The following STK32B variants were observed in gnomAD, a reference collection of about 807,000 sequenced individuals.
STK32B encodes the protein serine/threonine kinase 32B, also known as serine/threonine-protein kinase 32B.
STK32B carries 43 observed loss-of-function variants against 52.6 expected under a neutral mutation model. The observed-to-expected ratio is 0.82, with a 90% CI of 0.64 to 1.05. The LOEUF (loss-of-function observed/expected upper bound fraction) is 1.05. Among genes scored for constraint, STK32B ranks in the 50% least tolerant of loss-of-function variants. The probability of loss-of-function intolerance (pLI) is 0.00; values close to 1 mark genes in which losing one functional copy is unlikely to be tolerated. For synonymous variants in STK32B, 238 were observed against 204.3 expected (o/e 1.17, Z -1.41); for missense variants, 621 against 534.6 (o/e 1.16, Z -1.59).
Position 5,475,584 on chromosome 4 carries a change from G to C in STK32B, c.1106+7514G>C, listed in dbSNP as rs190595341. 2.0e-5 allele frequency among the ~76,000 whole-genome samples: 3 copies of C among 151,438 alleles called. No individual in the cohort carries two copies. The East Asian group carries it at 6.0e-4, about 30-fold the overall frequency. On this transcript the variant is annotated intron_variant, in intron 11 of 11. Transcript: ENST00000282908. ...CGTGGTGGTGCACGCCTGTAGTTCA[G>C]CTACCCAGGAGGCTGAGGCAGGAGA...
chr4:5,365,493 A>G (rs934144388), intron 4 of STK32B, among the ~76,000 whole-genome samples: 5 of 152,204 alleles, frequency 3.3e-5, no homozygotes, highest in Non-Finnish European at 7.3e-5. Context: ...CTTATTGTAG[A>G]AGTCTGTCAA....
intron 3 of STK32B, among the ~76,000 whole-genome samples, chr4:5,216,759 C>A (rs1266899933): frequency 2.0e-5 from 3 of 152,146 alleles, no homozygotes; most frequent in Non-Finnish European, 2.9e-5. Flanking sequence ...TGGGTTTGTA[C>A]TTCCAGGTTA....
At chr4:5,298,559 A>G (rs917121004) in intron 3 of STK32B, among the ~76,000 whole-genome samples, 13 of 152,050 alleles carry the variant, frequency 8.5e-5, no homozygotes, top group Non-Finnish European at 1.3e-4. Flanking sequence ...CTCAGTCTGA[A>G]CTTTCCTGTG....
chr4:5,233,550 G>A (rs1312475738), intron 3 of STK32B, among the ~76,000 whole-genome samples: 1 of 152,014 alleles, frequency 6.6e-6, no homozygotes, highest in Non-Finnish European at 1.5e-5. Context: ...GATAGGAGCT[G>A]TGAAGAGTTC....
chr4:5,196,271 AC>A (rs887853371), intron 3 of STK32B, among the ~76,000 whole-genome samples: 2 of 134,490 alleles, frequency 1.5e-5, no homozygotes, highest in Admixed American at 1.5e-4. Context: ...GGCTGATGCC[AC>A]CCCGCGAGGT....
intron 6 of STK32B, among the ~76,000 whole-genome samples, chr4:5,430,039 T>C (rs1713438998): frequency 6.6e-6 from 1 of 152,160 alleles, no homozygotes; most frequent in South Asian, 2.1e-4. Context: ...AGATATGATG[T>C]ACCAAGGCAT....
chr4:5,398,509 G>A lies in STK32B; in HGVS notation c.472+265G>A, dbSNP rs949338020. On this transcript the variant is annotated intron_variant, in intron 5 of 11. Coordinates refer to ENST00000282908, the MANE Select transcript of STK32B (RefSeq NM_018401.3). The surrounding 1 kb of genome is among the most constrained non-coding windows in gnomAD (Gnocchi z 4.9). The stretch of plus-strand genomic sequence containing the variant: ...CCCGTGTGAGGAGGACAGGGCCGCC[G>A]TGAGGATGAGCCCGGGGTTCCAACC... Among the ~76,000 whole-genome samples, 8 of 152,262 alleles carry A rather than the reference G, an allele frequency of 5.3e-5. No individual in the cohort carries two copies. Among genetic ancestry groups the A allele is most frequent in the Non-Finnish European group, 8.8e-5 (6 of 68,028 alleles).
At chr4:5,176,242 C>T (rs981612987) in intron 3 of STK32B, among the ~76,000 whole-genome samples, 16 of 152,270 alleles carry the variant, frequency 1.1e-4, no homozygotes, top group Middle Eastern at 3.4e-3. Flanking sequence ...TGACCCGTTG[C>T]ACTTCCCAGG....
rs1025598997 is a variant in STK32B at position 5,063,796 on chromosome 4, G to A, written c.52+11881G>A. 2.6e-5 allele frequency among the ~76,000 whole-genome samples: 4 copies of A among 152,152 alleles called. No homozygotes were observed. The East Asian group carries it at 5.8e-4, about 22-fold the overall frequency. ...ACATGTGGCTATTAGCTAACTTATC[G>A]AACAGCATACCTTTATTTCCTCGCC... is the stretch of plus-strand genomic sequence containing the variant. On this transcript the variant is annotated intron_variant, in intron 1 of 11. Transcript: ENST00000282908.
intron 7 of STK32B, 91 bp downstream of exon 7, chr4:5,446,867 T>G (rs1423204003): frequency 1.6e-6 from 2 of 1,275,040 alleles, no homozygotes; most frequent in Non-Finnish European, 2.2e-6. Context: ...GGGCCCGCGG[T>G]GCAGGAAGGA....
intron 2 of STK32B, among the ~76,000 whole-genome samples, chr4:5,144,121 A>C (rs1716722553): frequency 6.6e-6 from 1 of 152,180 alleles, no homozygotes; most frequent in Non-Finnish European, 1.5e-5. Context: ...AGTTACCACC[A>C]CTGGGAATTC....
intron 3 of STK32B, among the ~76,000 whole-genome samples, chr4:5,216,275 C>T (rs1352087521): frequency 3.3e-5 from 5 of 152,106 alleles, no homozygotes; most frequent in Non-Finnish European, 7.3e-5. Context: ...TTAAGAACTG[C>T]TGTTAAAGAC....
At chr4:5,316,845 TAA>T (rs1420985366) in intron 3 of STK32B, among the ~76,000 whole-genome samples, 16 of 1,712 alleles carry the variant, frequency 9.3e-3, no homozygotes, top group Admixed American at 0.042. Context: ...ATATTATATA[TAA>T]TATATTATAT....
At chr4:5,047,532 A>G (rs750770646), upstream of STK32B, among the ~76,000 whole-genome samples, 1 of 152,226 alleles carries the variant, frequency 6.6e-6, no homozygotes, top group African/African-American at 2.4e-5. Context: ...GCATCTCACA[A>G]TGTTTCTGAC....
chr4:5,362,684 A>T (rs1734624914), intron 4 of STK32B, among the ~76,000 whole-genome samples: 1 of 152,156 alleles, frequency 6.6e-6, no homozygotes, highest in Admixed American at 6.5e-5. Context: ...TAAAAGCTGG[A>T]AAAACAGCAA....
At chr4:5,149,154 C>T (rs560608718) in intron 2 of STK32B, among the ~76,000 whole-genome samples, 5 of 151,866 alleles carry the variant, frequency 3.3e-5, no homozygotes, top group African/African-American at 1.2e-4. Flanking sequence ...TTTATATAGC[C>T]GTTCTAACCT....
At chr4:5,427,042 G>A (rs1017958641) in intron 6 of STK32B, 1 of 152,120 alleles carries the variant, frequency 6.6e-6, no homozygotes, top group African/African-American at 2.4e-5. Context: ...TAAGGTTTTT[G>A]CAGTTCTTTA....
chr4:5,440,102 C>T (rs1577501286), intron 6 of STK32B, among the ~76,000 whole-genome samples: 1 of 151,906 alleles, frequency 6.6e-6, no homozygotes, highest in Non-Finnish European at 1.5e-5. Context: ...TTTTTGGTTC[C>T]ATATGAACTT....
intron 5 of STK32B, among the ~76,000 whole-genome samples, chr4:5,414,336 C>T (rs1246439732): frequency 1.4e-5 from 2 of 143,004 alleles, no homozygotes; most frequent in South Asian, 2.4e-4. Flanking sequence ...ATGTAATACT[C>T]CATACAGGTT....
Sources: allele counts gnomAD v4.1 joint callset (sites outside exome capture counted in the v4.1 genomes callset), GRCh38; gene constraint gnomAD v4.1.1; non-coding constraint Gnocchi (gnomAD v3.1); transcripts MANE v1.5; gene names NCBI Gene and HGNC (gene_info 2026-07-23, HGNC 2026-07-21).